The following PRKCQ variants were observed in gnomAD, a reference collection of about 807,000 sequenced individuals.
PRKCQ encodes the protein protein kinase C theta.
In PRKCQ, 41 loss-of-function variants were observed where a neutral mutation model predicts 91.2. The observed-to-expected ratio is 0.45, with a 90% confidence interval of 0.35 to 0.58. PRKCQ has a LOEUF of 0.58. Ranked by LOEUF, PRKCQ falls within the 20% of genes least tolerant of loss-of-function variation. The probability of loss-of-function intolerance (pLI) is 0.00; values close to 1 mark genes in which losing one functional copy is unlikely to be tolerated. For missense variants in PRKCQ, 673 were observed against 896.5 expected, an observed-to-expected ratio of 0.75 and a Z score of 3.18; for synonymous variants, 307 against 316.9, an observed-to-expected ratio of 0.97 and a Z score of 0.33.
At chr10:6,531,778 G>A (rs1043837030) in intron 1 of PRKCQ, among the ~76,000 whole-genome samples, 8 of 152,116 alleles carry the variant, frequency 5.3e-5, no homozygotes, top group African/African-American at 1.9e-4. Context: ...AATAAGACAG[G>A]AAATAAATCA....
Position 6,486,091 on chromosome 10 carries a change from C to T in PRKCQ, c.844G>A (p.Gly282Ser). ...RCQTKVANLCGINQKLMAEAL... is the reference protein window; with the variant it reads ...RCQTKVANLCSINQKLMAEAL... ...TCAGCCATTAGCTTCTGGTTTATGC[C>T]ACAAAGGTTGGCCACCTTTGTCTGG... is the stretch of plus-strand genomic sequence containing the variant. Residue 282 changes from glycine (G) to serine (S), a missense_variant, in exon 9 of 18, where the codon GGC becomes AGC. Gly to Ser is a moderately conservative substitution (Grantham distance 56). Transcript: ENST00000263125. 1.2e-6 allele frequency: 2 copies of T among 1,614,208 alleles called. No homozygotes were observed. Among genetic ancestry groups the T allele is most frequent in the Admixed American group, 1.7e-5 (1 of 60,030 alleles).
intron 1 of PRKCQ, among the ~76,000 whole-genome samples, chr10:6,553,940 A>T (rs1171473060): frequency 2.0e-5 from 3 of 147,914 alleles, no homozygotes; most frequent in African/African-American, 7.5e-5. Context: ...GTATGGAGAA[A>T]GGTCTCTAGA....
At chr10:6,487,703 C>A (rs188177506) in intron 8 of PRKCQ, among the ~76,000 whole-genome samples, 14 of 152,204 alleles carry the variant, frequency 9.2e-5, no homozygotes, top group African/African-American at 2.6e-4. Flanking sequence ...GCTAATGAAA[C>A]ATCACCATTA....
At chr10:6,435,482 T>C (rs1833656165) in intron 16 of PRKCQ, among the ~76,000 whole-genome samples, 1 of 152,220 alleles carries the variant, frequency 6.6e-6, no homozygotes, top group Non-Finnish European at 1.5e-5. Flanking sequence ...GGGCAGCAGA[T>C]TGCATAATGG....
intron 1 of PRKCQ, among the ~76,000 whole-genome samples, chr10:6,550,434 C>T (rs752060956): frequency 2.0e-5 from 3 of 152,082 alleles, no homozygotes; most frequent in Non-Finnish European, 4.4e-5. Context: ...CCACCATGCC[C>T]GGCTAATTTT....
the PRKCQ span, among the ~76,000 whole-genome samples, chr10:6,410,055 C>G: frequency 2.6e-5 from 4 of 152,276 alleles, no homozygotes; most frequent in South Asian, 8.3e-4. Flanking sequence ...GCAAGTCAGC[C>G]CTTTTACCCT....
At chr10:6,508,356 G>A (rs1838303678) in intron 3 of PRKCQ, among the ~76,000 whole-genome samples, 1 of 152,200 alleles carries the variant, frequency 6.6e-6, no homozygotes, top group African/African-American at 2.4e-5. Context: ...ACGTGAGCCG[G>A]AGTAACTAAG....
intron 3 of PRKCQ, among the ~76,000 whole-genome samples, chr10:6,510,619 A>G (rs1717870576): frequency 6.6e-6 from 1 of 152,240 alleles, no homozygotes; most frequent in South Asian, 2.1e-4. Context: ...TAAGTTTTAT[A>G]TACAAATATT....
chr10:6,431,423 T>G (rs1833420504), intron 16 of PRKCQ, among the ~76,000 whole-genome samples: 1 of 151,494 alleles, frequency 6.6e-6, no homozygotes, highest in Admixed American at 6.6e-5. Context: ...CGTGCAGACA[T>G]ACATACACAT....
At chr10:6,409,615 C>G in the PRKCQ span, among the ~76,000 whole-genome samples, 1 of 152,150 alleles carries the variant, frequency 6.6e-6, no homozygotes, top group Non-Finnish European at 1.5e-5. Flanking sequence ...TTTACATACA[C>G]TTTCTGGAAT....
At chr10:6,462,008 A>T (rs965068499) in intron 14 of PRKCQ, among the ~76,000 whole-genome samples, 1 of 152,232 alleles carries the variant, frequency 6.6e-6, no homozygotes, top group Non-Finnish European at 1.5e-5. Context: ...GTAAGGTATG[A>T]TAAGAAAGAG....
At chr10:6,550,056 A>C (rs998889488) in intron 1 of PRKCQ, among the ~76,000 whole-genome samples, 2 of 152,138 alleles carry the variant, frequency 1.3e-5, no homozygotes, top group African/African-American at 4.8e-5. Flanking sequence ...CCATTAAACA[A>C]TAACTCCCCA....
the PRKCQ span, among the ~76,000 whole-genome samples, chr10:6,396,018 C>T: frequency 6.6e-6 from 1 of 152,094 alleles, no homozygotes; most frequent in Non-Finnish European, 1.5e-5. Context: ...CTTCCTAGCT[C>T]CAGGGACTGA....
the PRKCQ span, among the ~76,000 whole-genome samples, chr10:6,408,455 A>G: frequency 2.0e-5 from 3 of 152,202 alleles, no homozygotes; most frequent in African/African-American, 7.2e-5. Flanking sequence ...CCTGGCTTCA[A>G]GTGATTCTCC....
chr10:6,496,722 T>C (rs1308767307), intron 7 of PRKCQ, among the ~76,000 whole-genome samples: 1 of 151,982 alleles, frequency 6.6e-6, no homozygotes, highest in Admixed American at 6.6e-5. Context: ...TTGCCCAGAC[T>C]GGAGTGCGGT....
intron 11 of PRKCQ, among the ~76,000 whole-genome samples, chr10:6,481,190 C>T (rs1836580515): frequency 6.6e-6 from 1 of 152,148 alleles, no homozygotes; most frequent in Non-Finnish European, 1.5e-5. Context: ...CCCAGCTGCA[C>T]CTTGGGATAC....
Position 6,430,799 on chromosome 10 carries a change from C to T in PRKCQ, c.1965+11G>A, listed in dbSNP as rs567320790. 8.7e-6 allele frequency: 14 copies of T among 1,612,638 alleles called. No individual in the cohort carries two copies. Among genetic ancestry groups the T allele is most frequent in the East Asian group, 4.5e-5 (2 of 44,852 alleles). On this transcript the variant is annotated intron_variant, in intron 17 of 17. Coordinates refer to ENST00000263125, the MANE Select transcript of PRKCQ (RefSeq NM_006257.5). This position sits in a 1 kb window ranked among gnomAD's most constrained non-coding sequence, Gnocchi z 4.7. ...TGGCTGACACCAAGCGGCCCATGAG[C>T]GAGTCCTTACCACTTTCGGCCGGAA...
intron 14 of PRKCQ, among the ~76,000 whole-genome samples, chr10:6,460,501 A>C (rs926789939): frequency 2.0e-5 from 3 of 150,358 alleles, no homozygotes; most frequent in African/African-American, 7.4e-5. Flanking sequence ...TTAACTTTTT[A>C]AATTTTTTGA....
chr10:6,501,611 C>T (rs976162149), intron 4 of PRKCQ, among the ~76,000 whole-genome samples: 10 of 151,786 alleles, frequency 6.6e-5, no homozygotes, highest in African/African-American at 1.7e-4. Context: ...CACCTGAAGT[C>T]GGGAGTTTGA....
Sources: gnomAD v4.1 joint callset for allele counts (sites outside exome capture counted in the v4.1 genomes callset) on GRCh38, gnomAD v4.1.1 for gene constraint, Gnocchi (gnomAD v3.1) non-coding constraint, MANE v1.5 for transcripts, NCBI Gene and HGNC (gene_info 2026-07-23, HGNC 2026-07-21) for gene names.